KIAA1217: variants seen among roughly 807,000 people sequenced by gnomAD.
KIAA1217 encodes the protein KIAA1217.
In KIAA1217, 88 loss-of-function variants were observed where a neutral mutation model predicts 163.9. The observed-to-expected ratio is 0.54, with a 90% CI of 0.45 to 0.64. KIAA1217 has a LOEUF of 0.64. Among genes scored for constraint, KIAA1217 ranks in the 30% least tolerant of loss-of-function variants. The pLI is 0.00. For synonymous variants in KIAA1217, 903 were observed against 923.1 expected (o/e 0.98, Z 0.39); for missense variants, 2,372 against 2,475.0 (o/e 0.96, Z 0.88).
intron 2 of KIAA1217, chr10:24,367,206 A>G: frequency 1.0e-6 from 1 of 973,114 alleles, no homozygotes; most frequent in Non-Finnish European, 1.2e-6. Flanking sequence ...GCGAGTTAGT[A>G]CTCTACCTGT....
At chr10:24,233,055 G>C (rs1659836346) in intron 2 of KIAA1217, among the ~76,000 whole-genome samples, 1 of 151,222 alleles carries the variant, frequency 6.6e-6, no homozygotes. Context: ...AGCCTGGGAA[G>C]TCAAGGCTGC....
chr10:23,933,542 A>G (rs1221597410), intron 1 of KIAA1217, among the ~76,000 whole-genome samples: 1 of 152,204 alleles, frequency 6.6e-6, no homozygotes, highest in Non-Finnish European at 1.5e-5. Flanking sequence ...AAATTCACAA[A>G]TGGGATCTAA....
At chr10:24,264,388 G>C (rs2076005609) in intron 2 of KIAA1217, among the ~76,000 whole-genome samples, 1 of 152,080 alleles carries the variant, frequency 6.6e-6, no homozygotes, top group Non-Finnish European at 1.5e-5. Context: ...ATGGAAATTT[G>C]GGAAGGGGAT....
chr10:23,826,555 G>A (rs1286747769), intron 1 of KIAA1217, among the ~76,000 whole-genome samples: 3 of 152,128 alleles, frequency 2.0e-5, no homozygotes, highest in Non-Finnish European at 4.4e-5. Context: ...ATTTCCTTTG[G>A]TGCTTGGTTT....
chr10:24,461,598 C>T (rs989640123), intron 5 of KIAA1217, among the ~76,000 whole-genome samples: 15 of 152,220 alleles, frequency 9.9e-5, no homozygotes, highest in Non-Finnish European at 1.9e-4. Flanking sequence ...TCAGGTGATC[C>T]GCCCACCTTG....
In KIAA1217 at chr10:24,425,145, T is replaced by C. The variant is rs527712359; in HGVS notation, c.554-7850T>C. Among the ~76,000 whole-genome samples, 3 of 152,262 alleles carry C rather than the reference T, an allele frequency of 2.0e-5. No homozygotes were observed. In the East Asian group the frequency reaches 5.8e-4, roughly 29 times the overall value. The stretch of plus-strand genomic sequence containing the variant: ...CCTAACTGGCCAGTCCGTTTAGCGA[T>C]TTTTTAGATGAAAGTTTTAGATTTT... On this transcript the variant is annotated intron_variant, in intron 3 of 20. Transcript: ENST00000376454.
At chr10:24,339,250 G>T (rs552075711) in intron 2 of KIAA1217, among the ~76,000 whole-genome samples, 7 of 151,726 alleles carry the variant, frequency 4.6e-5, no homozygotes, top group Middle Eastern at 3.4e-3. Context: ...GTTTCTATTG[G>T]GTTGTAATCA....
chr10:23,834,362 G>A (rs887481721), intron 1 of KIAA1217, among the ~76,000 whole-genome samples: 2 of 152,036 alleles, frequency 1.3e-5, no homozygotes, highest in Non-Finnish European at 2.9e-5. Context: ...TCAAATAAAG[G>A]TGCAGCACCC....
chr10:23,840,602 G>T (rs1437935455), intron 1 of KIAA1217, among the ~76,000 whole-genome samples: 1 of 152,164 alleles, frequency 6.6e-6, no homozygotes, highest in Non-Finnish European at 1.5e-5. Context: ...AAGAATTAGT[G>T]ATCCTTTTAC....
chr10:24,166,098 A>C (rs965736338), intron 2 of KIAA1217, among the ~76,000 whole-genome samples: 1 of 152,182 alleles, frequency 6.6e-6, no homozygotes, highest in African/African-American at 2.4e-5. Flanking sequence ...GCTTCAAAGG[A>C]CTTTTTAGAC....
At chr10:24,331,296 C>T (rs768036258) in intron 2 of KIAA1217, among the ~76,000 whole-genome samples, 13 of 152,146 alleles carry the variant, frequency 8.5e-5, no homozygotes, top group Non-Finnish European at 1.6e-4. Flanking sequence ...TGATTGCCCT[C>T]TCCAAAATTA....
At chr10:24,497,565 T>A (rs2066951569) in intron 8 of KIAA1217, among the ~76,000 whole-genome samples, 1 of 151,702 alleles carries the variant, frequency 6.6e-6, no homozygotes, top group East Asian at 1.9e-4. Flanking sequence ...AGACCCTGTC[T>A]CCACAAAAAA....
intron 2 of KIAA1217, among the ~76,000 whole-genome samples, chr10:24,227,527 G>A (rs947944150): frequency 1.3e-5 from 2 of 148,746 alleles, no homozygotes; most frequent in Non-Finnish European, 3.0e-5. Context: ...ACACCAATAT[G>A]AGCACTTTTT....
At chr10:24,139,184 G>A (rs2063952565) in intron 2 of KIAA1217, among the ~76,000 whole-genome samples, 1 of 151,974 alleles carries the variant, frequency 6.6e-6, no homozygotes, top group African/African-American at 2.4e-5. Flanking sequence ...AATTCCTTTA[G>A]AGATTTAATA....
chr10:23,835,675 T>G (rs924908823), intron 1 of KIAA1217, among the ~76,000 whole-genome samples: 12 of 152,200 alleles, frequency 7.9e-5, no homozygotes, highest in Admixed American at 3.3e-4. Context: ...TGCCACACCT[T>G]TAATGTCTTC....
chr10:24,225,709 G>A (rs1392973798), intron 2 of KIAA1217, among the ~76,000 whole-genome samples: 1 of 152,236 alleles, frequency 6.6e-6, no homozygotes, highest in Non-Finnish European at 1.5e-5. Flanking sequence ...CAGATGGCAT[G>A]CCTTCTGAGA....
chr10:24,382,109 T>G (rs2053397509), intron 3 of KIAA1217, among the ~76,000 whole-genome samples: 1 of 152,084 alleles, frequency 6.6e-6, no homozygotes, highest in Admixed American at 6.6e-5. Flanking sequence ...GGACAAGTCG[T>G]GAGGATTTAG....
chr10:24,504,933 A>G (rs182178210), intron 9 of KIAA1217, among the ~76,000 whole-genome samples: 33 of 152,222 alleles, frequency 2.2e-4, no homozygotes, highest in Admixed American at 3.3e-4. Context: ...TCTGCTCTCC[A>G]ATTTCACAGG....
intron 2 of KIAA1217, among the ~76,000 whole-genome samples, chr10:24,018,805 A>C (rs1371049390): frequency 1.3e-5 from 2 of 152,080 alleles, no homozygotes; most frequent in Non-Finnish European, 2.9e-5. Context: ...ATGACATGAA[A>C]TCAAGCTAAG....
Sources: gnomAD v4.1 joint callset for allele counts (sites outside exome capture counted in the v4.1 genomes callset) on GRCh38, gnomAD v4.1.1 for gene constraint, MANE v1.5 for transcripts, NCBI Gene and HGNC (gene_info 2026-07-23, HGNC 2026-07-21) for gene names.